Variants in MSH4 observed in about 807,000 individuals in gnomAD.
The protein encoded by MSH4 is mutS homolog 4, also known as mutS protein homolog 4.
A neutral mutation model predicts 113.7 loss-of-function variants in MSH4; 106 were observed. That is an observed-to-expected ratio of 0.93 (90% CI 0.80 to 1.10). The LOEUF is 1.10. Ranked by LOEUF, MSH4 falls within the 50% of genes least tolerant of loss-of-function variation. The pLI is 0.00. For synonymous variants in MSH4, 368 were observed against 380.2 expected, an observed-to-expected ratio of 0.97 and a Z score of 0.37; for missense variants, 1,061 against 1,093.7, an observed-to-expected ratio of 0.97 and a Z score of 0.42.
intron 7 of MSH4, among the ~76,000 whole-genome samples, chr1:75,833,066 T>A (rs1243434615): frequency 2.6e-5 from 4 of 152,238 alleles, no homozygotes; most frequent in Non-Finnish European, 5.9e-5. Flanking sequence ...CTCCTTAAGC[T>A]GATAAGCAAC....
chr1:75,859,203 T>TC (rs1289816752), intron 8 of MSH4, among the ~76,000 whole-genome samples: 1 of 152,102 alleles, frequency 6.6e-6, no homozygotes, highest in East Asian at 1.9e-4. Flanking sequence ...GTTGATCTTT[T>TC]AAAAAACCAG....
chr1:75,854,071 T>C (rs1425523043), intron 8 of MSH4, among the ~76,000 whole-genome samples: 3 of 130,788 alleles, frequency 2.3e-5, no homozygotes, highest in Non-Finnish European at 5.1e-5. Flanking sequence ...ATTTCTGTAT[T>C]TATCTATACA....
At chr1:75,820,958 A>C (rs1222363200) in intron 6 of MSH4, among the ~76,000 whole-genome samples, 3 of 151,468 alleles carry the variant, frequency 2.0e-5, no homozygotes, top group Non-Finnish European at 4.4e-5. Context: ...TAATAATGGG[A>C]GACTTTAACA....
At chr1:75,813,622 G>A (rs78538603) in intron 4 of MSH4, among the ~76,000 whole-genome samples, 3,410 of 152,246 alleles carry the variant, frequency 0.022, 149 homozygotes, top group African/African-American at 0.076. Flanking sequence ...GAGGGAGCAA[G>A]CCATGGAGGT....
chr1:75,880,826 A>T (rs564947754), intron 13 of MSH4, among the ~76,000 whole-genome samples: 2 of 152,124 alleles, frequency 1.3e-5, no homozygotes, highest in Non-Finnish European at 2.9e-5. Context: ...GAAAGAAAAA[A>T]TGGATGAGAG....
chr1:75,805,370 A>G (rs1650036998), intron 2 of MSH4, among the ~76,000 whole-genome samples: 1 of 140,666 alleles, frequency 7.1e-6, no homozygotes, highest in Non-Finnish European at 1.5e-5. Flanking sequence ...ATTTTTTTTA[A>G]TTACCATTTT....
rs755019976 is a variant in MSH4, at chr1:75,834,225, A to G, written c.1162+11644A>G. ...CAGAGAAATGCAAATCAAAACCACAATGAGATACCATCTCACATCAGTTAG... is the reference window on the plus strand; with the variant it reads ...CAGAGAAATGCAAATCAAAACCACAGTGAGATACCATCTCACATCAGTTAG... On this transcript the variant is annotated intron_variant, in intron 7 of 19. Transcript: ENST00000263187. Among the ~76,000 whole-genome samples the G allele has an allele frequency of 8.0e-4, 122 of 152,232 alleles. 1 individual carries two copies. The highest frequency in any genetic ancestry group is 1.3e-3 in the Non-Finnish European group (90 of 68,042).
Position 75,892,211 on chromosome 1 carries a change from A to G in MSH4, c.2355+1387A>G, listed in dbSNP as rs1421255217. On this transcript the variant is annotated intron_variant, in intron 17 of 19. Transcript: ENST00000263187. Reference sequence around the variant, plus strand: ...ACTACCTTCAGACTCAAACTGAAACATTGGCTTTTTCTGGGTCTGGAACCT... The same window carrying G: ...ACTACCTTCAGACTCAAACTGAAACGTTGGCTTTTTCTGGGTCTGGAACCT... 2.0e-5 allele frequency among the ~76,000 whole-genome samples: 3 copies of G among 152,164 alleles called. No homozygotes were observed. In the South Asian group the frequency reaches 6.2e-4, roughly 32 times the overall value.
At chr1:75,798,224 A>G (rs1242711155) in intron 1 of MSH4, among the ~76,000 whole-genome samples, 1 of 152,140 alleles carries the variant, frequency 6.6e-6, no homozygotes, top group East Asian at 1.9e-4. Flanking sequence ...CTGCCCAAGC[A>G]TTGGGATTAC....
intron 18 of MSH4, among the ~76,000 whole-genome samples, chr1:75,898,766 A>G (rs1652439901): frequency 6.6e-6 from 1 of 152,160 alleles, no homozygotes; most frequent in Admixed American, 6.6e-5. Flanking sequence ...TGGTCTGTAC[A>G]TACAAGTTTC....
Position 75,854,013 on chromosome 1 carries a change from G to GTA in MSH4, c.1230+5751_1230+5752dup, listed in dbSNP as rs59347058. 2.1e-4 allele frequency among the ~76,000 whole-genome samples: 25 copies of GTA among 116,858 alleles called. 1 individual carries two copies. In the East Asian group the frequency reaches 2.3e-3, roughly 11 times the overall value. 76.7% of individuals were successfully genotyped at this position (116,858 alleles called of 152,430 possible). ...ATGGCTAGGGCATAAGTGTGTGTGT[G>GTA]TATATATATATATATGCATAAATAT... is the stretch of plus-strand genomic sequence containing the variant. On this transcript the variant is annotated intron_variant, in intron 8 of 19. Transcript: ENST00000263187.
chr1:75,912,587 T>G, intron 19 of MSH4, 109 bp from the exon 20 acceptor site: 1 of 603,350 alleles, frequency 1.7e-6, no homozygotes, highest in Non-Finnish European at 2.5e-6. Flanking sequence ...AGTTAACCCT[T>G]GAGTTCCATA....
At chr1:75,854,523 G>C (rs1651273388) in intron 8 of MSH4, among the ~76,000 whole-genome samples, 1 of 151,992 alleles carries the variant, frequency 6.6e-6, no homozygotes. Flanking sequence ...ATATACCCTT[G>C]CTAGGTAGAC....
intron 7 of MSH4, among the ~76,000 whole-genome samples, chr1:75,840,172 T>C (rs1570960730): frequency 6.7e-6 from 1 of 150,208 alleles, no homozygotes; most frequent in African/African-American, 2.4e-5. Context: ...TTACTGGGTA[T>C]ATACCCAAAG....
intron 4 of MSH4, among the ~76,000 whole-genome samples, chr1:75,811,314 G>A (rs1650185655): frequency 6.6e-6 from 1 of 152,124 alleles, no homozygotes; most frequent in South Asian, 2.1e-4. Flanking sequence ...TAATAAAAAT[G>A]ATAGGGAATT....
intron 1 of MSH4, among the ~76,000 whole-genome samples, chr1:75,800,137 C>T (rs1007547528): frequency 6.6e-5 from 10 of 152,176 alleles, no homozygotes; most frequent in Non-Finnish European, 1.3e-4. Context: ...AAACAGCCCT[C>T]TCCATCTCCA....
At chr1:75,879,280 C>G in intron 12 of MSH4, 152 bp downstream of exon 12, 1 of 663,582 alleles carries the variant, frequency 1.5e-6, no homozygotes. Context: ...ATGTACTAAT[C>G]TAAGAGTGAT....
chr1:75,822,618 A>G (rs766314012), intron 7 of MSH4, 37 bp downstream of exon 7: 1 of 1,107,170 alleles, frequency 9.0e-7, no homozygotes, highest in Non-Finnish European at 1.2e-6. Flanking sequence ...AATACAAATT[A>G]TTGAAAAATA....
chr1:75,854,011 G>GTATATATATATATATATATATATATA (rs72458089), intron 8 of MSH4, among the ~76,000 whole-genome samples: 3,133 of 110,890 alleles, frequency 0.028, 214 homozygotes, highest in Non-Finnish European at 0.042. Flanking sequence ...AAGTGTGTGT[G>GTATATATATATATATATATATATATA]TGTATATATA....
Sources: gnomAD v4.1 joint callset for allele counts (sites outside exome capture counted in the v4.1 genomes callset) on GRCh38, gnomAD v4.1.1 for gene constraint, MANE v1.5 for transcripts, NCBI Gene and HGNC (gene_info 2026-07-23, HGNC 2026-07-21) for gene names.